CCDC102B: variants seen among roughly 807,000 people sequenced by gnomAD.
CCDC102B encodes the protein coiled-coil domain-containing protein 102B.
Under a neutral mutation model 57.4 loss-of-function variants are expected in CCDC102B, and 75 were observed. That is an observed-to-expected ratio of 1.31 (90% CI 1.08 to 1.58). The LOEUF (loss-of-function observed/expected upper bound fraction) is 1.58. Ranked by LOEUF, CCDC102B falls within the 40% of genes most tolerant of loss-of-function variation. CCDC102B has a pLI of 0.00. For missense variants in CCDC102B, 636 were observed against 582.6 expected (o/e 1.09, Z -0.94); for synonymous variants, 206 against 201.9 (o/e 1.02, Z -0.17).
At chr18:68,909,424 G>A (rs1053629650) in intron 6 of CCDC102B, among the ~76,000 whole-genome samples, 1 of 152,138 alleles carries the variant, frequency 6.6e-6, no homozygotes, top group Non-Finnish European at 1.5e-5. Flanking sequence ...TTTTCATACA[G>A]GATCACCAGT....
At chr18:68,915,418 T>A (rs539846130) in intron 6 of CCDC102B, among the ~76,000 whole-genome samples, 1 of 152,354 alleles carries the variant, frequency 6.6e-6, no homozygotes, top group East Asian at 1.9e-4. Flanking sequence ...TTTTTCTAAA[T>A]ATATGGTTTA....
At chr18:68,982,690 A>G (rs1203981468) in intron 6 of CCDC102B, among the ~76,000 whole-genome samples, 1 of 151,842 alleles carries the variant, frequency 6.6e-6, no homozygotes, top group Non-Finnish European at 1.5e-5. Flanking sequence ...AAATAATTTC[A>G]ATTTTTTGTT....
At chr18:68,741,695 ACACACACACACACACACACC>A (rs1280293028) in intron 2 of CCDC102B, among the ~76,000 whole-genome samples, 23 of 147,658 alleles carry the variant, frequency 1.6e-4, no homozygotes, top group African/African-American at 5.2e-4. Context: ...ACACACACAC[ACACACACACACACACACACC>A]CCAAGACAAT....
chr18:68,966,059 T>C (rs2050158687), intron 6 of CCDC102B, among the ~76,000 whole-genome samples: 1 of 152,200 alleles, frequency 6.6e-6, no homozygotes, highest in African/African-American at 2.4e-5. Context: ...ATTATCACCA[T>C]GTGGTCTCCA....
intron 1 of CCDC102B, among the ~76,000 whole-genome samples, chr18:68,829,007 G>T (rs2037030403): frequency 6.6e-6 from 1 of 151,776 alleles, no homozygotes; most frequent in East Asian, 1.9e-4. Context: ...GCTTTCTTAT[G>T]TCTGGTCTTT....
intron 6 of CCDC102B, among the ~76,000 whole-genome samples, chr18:68,957,475 T>A (rs1290062362): frequency 3.9e-5 from 6 of 151,932 alleles, no homozygotes; most frequent in Non-Finnish European, 8.8e-5. Flanking sequence ...GGTTTGTGAG[T>A]CTCTTTTTAT....
At chr18:68,944,401 C>T (rs114766164) in intron 6 of CCDC102B, among the ~76,000 whole-genome samples, 2,922 of 150,712 alleles carry the variant, frequency 0.019, 105 homozygotes, top group African/African-American at 0.067. Flanking sequence ...ATATATTTCT[C>T]ACGTTTCCAG....
intron 6 of CCDC102B, among the ~76,000 whole-genome samples, chr18:69,002,472 A>G (rs946424876): frequency 6.6e-6 from 1 of 152,132 alleles, no homozygotes; most frequent in African/African-American, 2.4e-5. Context: ...GTGAAAAATA[A>G]TGCAGGCAAC....
intron 6 of CCDC102B, among the ~76,000 whole-genome samples, chr18:68,916,943 G>A (rs917133714): frequency 1.2e-4 from 18 of 152,162 alleles, no homozygotes; most frequent in African/African-American, 4.1e-4. Flanking sequence ...AAATGCCAAT[G>A]TGACTAGAGT....
At chr18:68,912,017 A>G (rs1345675239) in intron 6 of CCDC102B, among the ~76,000 whole-genome samples, 1 of 152,142 alleles carries the variant, frequency 6.6e-6, no homozygotes. Context: ...AATATTTTGT[A>G]AATTTTTACA....
intron 1 of CCDC102B, among the ~76,000 whole-genome samples, chr18:68,819,485 A>G (rs781354849): frequency 1.9e-4 from 29 of 152,196 alleles, no homozygotes; most frequent in South Asian, 4.1e-4. Context: ...CTGTAGCTTT[A>G]TATCATATTC....
At chr18:68,960,705 C>T (rs915529815) in intron 6 of CCDC102B, among the ~76,000 whole-genome samples, 11 of 152,178 alleles carry the variant, frequency 7.2e-5, no homozygotes, top group African/African-American at 2.2e-4. Flanking sequence ...GATGAACAAA[C>T]GCCTCTGCCT....
chr18:68,994,646 C>A (rs542302954), intron 6 of CCDC102B, among the ~76,000 whole-genome samples: 1 of 152,200 alleles, frequency 6.6e-6, no homozygotes, highest in South Asian at 2.1e-4. Flanking sequence ...GGGTTCTTCC[C>A]CTTTCTTCCT....
At chr18:68,881,840 A>G (rs2039703974) in intron 5 of CCDC102B, among the ~76,000 whole-genome samples, 1 of 152,052 alleles carries the variant, frequency 6.6e-6, no homozygotes, top group Non-Finnish European at 1.5e-5. Context: ...CCACTATGTG[A>G]TACTGCTTTA....
At chr18:68,983,949 A>AT (rs2050659534) in intron 6 of CCDC102B, among the ~76,000 whole-genome samples, 1 of 151,762 alleles carries the variant, frequency 6.6e-6, no homozygotes, top group Admixed American at 6.6e-5. Flanking sequence ...CCAATATAAC[A>AT]TTTTTTCAAG....
At chr18:68,812,702 A>G (rs186714154) in intron 1 of CCDC102B, among the ~76,000 whole-genome samples, 9 of 152,358 alleles carry the variant, frequency 5.9e-5, no homozygotes, top group Admixed American at 2.0e-4. Flanking sequence ...AGCATTTCCT[A>G]TGTTAAAAAT....
At chr18:68,840,504 T>G (rs1299633554) in intron 3 of CCDC102B, among the ~76,000 whole-genome samples, 1 of 152,212 alleles carries the variant, frequency 6.6e-6, no homozygotes, top group Non-Finnish European at 1.5e-5. Flanking sequence ...AGAATAAATA[T>G]TTATTACTCT....
At chr18:68,759,717 TGAGGGA>T (rs2034190984) in intron 2 of CCDC102B, among the ~76,000 whole-genome samples, 1 of 152,066 alleles carries the variant, frequency 6.6e-6, no homozygotes, top group African/African-American at 2.4e-5. Context: ...TTTGCCAAAA[TGAGGGA>T]GTAAACCGAA....
chr18:68,966,722 G>A (rs1427809634), intron 6 of CCDC102B, among the ~76,000 whole-genome samples: 1 of 152,090 alleles, frequency 6.6e-6, no homozygotes, highest in Non-Finnish European at 1.5e-5. Context: ...TTCTGATTAA[G>A]CCTCTGTTGT....
Sources: gnomAD v4.1 joint callset for allele counts (sites outside exome capture counted in the v4.1 genomes callset) on GRCh38, gnomAD v4.1.1 for gene constraint, MANE v1.5 for transcripts, NCBI Gene and HGNC (gene_info 2026-07-23, HGNC 2026-07-21) for gene names.